Variants in GALNTL6 observed in about 807,000 individuals in gnomAD.
The protein encoded by GALNTL6 is polypeptide N-acetylgalactosaminyltransferase-like 6.
GALNTL6 carries 46 observed loss-of-function variants against 73.7 expected under a neutral mutation model. That is an observed-to-expected ratio of 0.62 (90% CI 0.49 to 0.80). GALNTL6 has a LOEUF of 0.80. Among genes scored for constraint, GALNTL6 ranks in the 30% least tolerant of loss-of-function variants. The pLI is 0.00. For synonymous variants in GALNTL6, 259 were observed against 263.7 expected, an observed-to-expected ratio of 0.98 and a Z score of 0.17; for missense variants, 604 against 755.0, an observed-to-expected ratio of 0.80 and a Z score of 2.34.
At chr4:172,966,684 G>A (rs921149078) in intron 10 of GALNTL6, among the ~76,000 whole-genome samples, 7 of 152,194 alleles carry the variant, frequency 4.6e-5, no homozygotes, top group African/African-American at 9.7e-5. Flanking sequence ...GAGCCACCGC[G>A]CCCAGCCCAG....
intron 5 of GALNTL6, among the ~76,000 whole-genome samples, chr4:172,406,516 C>A (rs1744243850): frequency 6.6e-6 from 1 of 151,822 alleles, no homozygotes; most frequent in African/African-American, 2.4e-5. Context: ...CTATTAGCTG[C>A]ACAAAAAATA....
chr4:172,987,492 G>A (rs1431736887), intron 10 of GALNTL6, among the ~76,000 whole-genome samples: 1 of 152,208 alleles, frequency 6.6e-6, no homozygotes, highest in African/African-American at 2.4e-5. Flanking sequence ...GAAGTTTTGG[G>A]TGAGGGTACA....
intron 2 of GALNTL6, among the ~76,000 whole-genome samples, chr4:172,010,025 T>C (rs985849349): frequency 1.3e-5 from 2 of 152,150 alleles, no homozygotes; most frequent in African/African-American, 4.8e-5. Flanking sequence ...GTTTTTCTTG[T>C]ATTTTAGGAG....
intron 5 of GALNTL6, among the ~76,000 whole-genome samples, chr4:172,371,505 T>C (rs776771473): frequency 3.3e-5 from 5 of 152,204 alleles, no homozygotes; most frequent in Non-Finnish European, 7.3e-5. Flanking sequence ...GGGTACACTG[T>C]TTTTTCTTTA....
At chr4:171,993,026 T>C (rs1055554951) in intron 2 of GALNTL6, among the ~76,000 whole-genome samples, 1 of 152,028 alleles carries the variant, frequency 6.6e-6, no homozygotes, top group African/African-American at 2.4e-5. Flanking sequence ...TTGTGTTACA[T>C]ACATCCTTTA....
intron 2 of GALNTL6, among the ~76,000 whole-genome samples, chr4:171,822,755 C>A (rs1734719138): frequency 6.6e-6 from 1 of 152,082 alleles, no homozygotes; most frequent in Non-Finnish European, 1.5e-5. Context: ...AAACCATAAA[C>A]CTGTTTTCAA....
At chr4:172,937,053 G>A (rs1227971781) in intron 9 of GALNTL6, among the ~76,000 whole-genome samples, 1 of 151,930 alleles carries the variant, frequency 6.6e-6, no homozygotes, top group Non-Finnish European at 1.5e-5. Flanking sequence ...GTAGAAATGG[G>A]CAGGCAGAGA....
intron 3 of GALNTL6, among the ~76,000 whole-genome samples, chr4:172,308,158 C>A (rs1578938367): frequency 8.3e-6 from 1 of 120,058 alleles, no homozygotes; most frequent in Non-Finnish European, 1.7e-5. Flanking sequence ...AATTCATTTA[C>A]CAGTAAATGA....
intron 2 of GALNTL6, among the ~76,000 whole-genome samples, chr4:172,186,790 G>A (rs933037056): frequency 6.6e-6 from 1 of 152,044 alleles, no homozygotes; most frequent in African/African-American, 2.4e-5. Flanking sequence ...AAAGAATATG[G>A]AGTAACTGAT....
chr4:172,772,098 T>G (rs1219743535), intron 5 of GALNTL6, among the ~76,000 whole-genome samples: 4 of 152,078 alleles, frequency 2.6e-5, no homozygotes, highest in Admixed American at 6.5e-5. Flanking sequence ...GGAAACACCC[T>G]TATAAAACCA....
intron 5 of GALNTL6, among the ~76,000 whole-genome samples, chr4:172,797,558 C>A (rs1740349623): frequency 6.6e-6 from 1 of 150,986 alleles, no homozygotes; most frequent in Admixed American, 6.6e-5. Context: ...TTTTTGGTTT[C>A]TTTTTCTGAG....
intron 5 of GALNTL6, among the ~76,000 whole-genome samples, chr4:172,791,939 T>C (rs1028900389): frequency 2.0e-5 from 3 of 152,224 alleles, no homozygotes; most frequent in Admixed American, 2.0e-4. Context: ...TGAGAGTTCA[T>C]TTTTGTTAGA....
chr4:172,465,484 GAAA>G (rs200106457), intron 5 of GALNTL6, among the ~76,000 whole-genome samples: 1 of 147,886 alleles, frequency 6.8e-6, no homozygotes, highest in African/African-American at 2.5e-5. Flanking sequence ...CTCAAAAAAA[GAAA>G]AAAAAAGAAA....
At chr4:172,551,709 A>G (rs562321578) in intron 5 of GALNTL6, among the ~76,000 whole-genome samples, 1 of 152,292 alleles carries the variant, frequency 6.6e-6, no homozygotes, top group African/African-American at 2.4e-5. Context: ...TTGGAAGAAT[A>G]TACTACCAAC....
intron 5 of GALNTL6, among the ~76,000 whole-genome samples, chr4:172,778,872 C>T (rs1331717375): frequency 6.6e-6 from 1 of 152,160 alleles, no homozygotes; most frequent in Non-Finnish European, 1.5e-5. Flanking sequence ...GCCTTACCCA[C>T]GATCTGACCT....
At chr4:172,802,508 T>A (rs1740706072) in intron 5 of GALNTL6, among the ~76,000 whole-genome samples, 1 of 152,018 alleles carries the variant, frequency 6.6e-6, no homozygotes, top group African/African-American at 2.4e-5. Context: ...GGAGACAAGA[T>A]AAGGGGGCCG....
chr4:172,945,132 C>T (rs1330151059), intron 9 of GALNTL6, among the ~76,000 whole-genome samples: 1 of 150,098 alleles, frequency 6.7e-6, no homozygotes, highest in African/African-American at 2.4e-5. Flanking sequence ...GGATAAAGAT[C>T]AAAATACTTA....
At chr4:171,814,178 G>A (rs1247470504) in intron 1 of GALNTL6, among the ~76,000 whole-genome samples, 188 bp downstream of exon 1, 1 of 151,962 alleles carries the variant, frequency 6.6e-6, no homozygotes, top group Non-Finnish European at 1.5e-5. Flanking sequence ...GGTGGGGGGC[G>A]AACAACAACA....
At chr4:172,943,312 T>C (rs747216760) in intron 9 of GALNTL6, among the ~76,000 whole-genome samples, 34 of 152,096 alleles carry the variant, frequency 2.2e-4, no homozygotes, top group Non-Finnish European at 4.6e-4. Flanking sequence ...TGAGCCACCT[T>C]GGAAAAAGAT....
Sources: gnomAD v4.1 joint callset for allele counts (sites outside exome capture counted in the v4.1 genomes callset) on GRCh38, gnomAD v4.1.1 for gene constraint, MANE v1.5 for transcripts, NCBI Gene and HGNC (gene_info 2026-07-23, HGNC 2026-07-21) for gene names.